The following SP140L variants were observed in gnomAD, a reference collection of about 807,000 sequenced individuals.
SP140L encodes nuclear body protein SP140-like protein.
In SP140L, 64 loss-of-function variants were observed where a neutral mutation model predicts 84.3. The observed-to-expected ratio is 0.76, with a 90% CI of 0.62 to 0.94. SP140L has a LOEUF of 0.94. SP140L is among the 40% of genes least tolerant of loss of function. The probability of loss-of-function intolerance (pLI) is 0.00; values close to 1 mark genes in which losing one functional copy is unlikely to be tolerated. For synonymous variants in SP140L, 242 were observed against 236.9 expected (o/e 1.02, Z -0.20); for missense variants, 628 against 692.5 (o/e 0.91, Z 1.05).
At chr2:230,368,687 C>A (rs373672815) in intron 5 of SP140L, among the ~76,000 whole-genome samples, 1 of 152,048 alleles carries the variant, frequency 6.6e-6, no homozygotes, top group Non-Finnish European at 1.5e-5. Flanking sequence ...TTTCAGACAA[C>A]CTGTCTGAGT....
At position 230,377,217 on chromosome 2, in the gene SP140L, C is replaced by T. The variant is rs143048294; in HGVS notation, c.637+5566C>T. ...TCTTTTAAGAAATGAGGCCTCACTA[C>T]GTTGTCCAGGATGGCCTCAAACTCC... is the stretch of plus-strand genomic sequence containing the variant. On this transcript the variant is annotated intron_variant, in intron 7 of 18. Coordinates refer to ENST00000415673, the MANE Select transcript of SP140L (RefSeq NM_138402.6). 6.1e-3 allele frequency among the ~76,000 whole-genome samples: 868 copies of T among 143,334 alleles called. 8 individuals are homozygous for T. Among genetic ancestry groups the T allele is most frequent in the Non-Finnish European group, 6.9e-3 (451 of 65,426 alleles). 94.0% of individuals were successfully genotyped at this position (143,334 alleles called of 152,430 possible). A position where few individuals can be genotyped will look rare whatever the true frequency, so the allele number is the denominator to read the frequency against.
At chr2:230,386,926 T>A (rs763110990) in intron 9 of SP140L, among the ~76,000 whole-genome samples, 1 of 152,182 alleles carries the variant, frequency 6.6e-6, no homozygotes, top group Non-Finnish European at 1.5e-5. Flanking sequence ...AGCAAGGATA[T>A]GACATCTGGA....
At chr2:230,397,697 A>G (rs1245680923) in intron 14 of SP140L, among the ~76,000 whole-genome samples, 1 of 152,146 alleles carries the variant, frequency 6.6e-6, no homozygotes, top group Non-Finnish European at 1.5e-5. Flanking sequence ...ACTGACACAT[A>G]ATAGTTAGCA....
chr2:230,381,301 T>C (rs2061397724), intron 7 of SP140L, among the ~76,000 whole-genome samples: 1 of 152,190 alleles, frequency 6.6e-6, no homozygotes, highest in South Asian at 2.1e-4. Context: ...TTCTCCACTT[T>C]ATACTGGTCA....
intron 2 of SP140L, among the ~76,000 whole-genome samples, chr2:230,331,188 T>C (rs1240254383): frequency 1.3e-5 from 2 of 152,232 alleles, no homozygotes; most frequent in African/African-American, 2.4e-5. Context: ...GTTCAATCTT[T>C]TGAGAGAGAG....
intron 13 of SP140L, among the ~76,000 whole-genome samples, chr2:230,394,102 C>T (rs1051657682): frequency 3.3e-5 from 5 of 152,220 alleles, no homozygotes; most frequent in Admixed American, 6.5e-5. Context: ...CAGAGGCAAA[C>T]GTATTTTACA....
chr2:230,401,968 G>A (rs1473450593), intron 18 of SP140L, among the ~76,000 whole-genome samples, 161 bp downstream of exon 18: 1 of 152,156 alleles, frequency 6.6e-6, no homozygotes, highest in African/African-American at 2.4e-5. Context: ...GCTCTTCTTA[G>A]CAAAGAAACA....
rs376580811 is a variant in SP140L at position 230,401,687 on chromosome 2, G to A, written c.1524G>A (p.Leu508=). The A allele has an allele frequency of 3.4e-4, 481 of 1,428,010 alleles. 3 individuals carry two copies. In the African/African-American group the frequency reaches 6.4e-3, roughly 19 times the overall value. 88.5% of individuals were successfully genotyped at this position (1,428,010 alleles called of 1,614,324 possible). The change falls in exon 18 of 19, where the codon CTG becomes CTA. Residue 508 remains leucine (L), a synonymous_variant. Coordinates refer to ENST00000415673, the MANE Select transcript of SP140L (RefSeq NM_138402.6). ...YYYIREACQG[L]KEPMWLDKIK... is the part of the protein sequence containing the mutation. ...AGATTAGAGAGGCGTGTCAAGGCCT[G>A]AAGGAGCCCATGTGGTTGGATAAAA...
At chr2:230,355,516 C>A (rs4973315) in intron 2 of SP140L, among the ~76,000 whole-genome samples, 18,066 of 152,110 alleles carry the variant, frequency 0.12, 1,122 homozygotes, top group Middle Eastern at 0.15. Context: ...CAAGAAAAAT[C>A]CAAAAGGCTT....
At chr2:230,345,483 G>T (rs1464754846) in intron 2 of SP140L, among the ~76,000 whole-genome samples, 1 of 151,832 alleles carries the variant, frequency 6.6e-6, no homozygotes, top group Non-Finnish European at 1.5e-5. Context: ...TTTGATTGGA[G>T]AATTTAATCC....
intron 7 of SP140L, among the ~76,000 whole-genome samples, chr2:230,381,739 C>CACACAT (rs2061415627): frequency 6.7e-6 from 1 of 150,030 alleles, no homozygotes; most frequent in Non-Finnish European, 1.5e-5. Flanking sequence ...CACACACACA[C>CACACAT]ACACACACAC....
At position 230,393,437 on chromosome 2, in the gene SP140L, A is replaced by T; in HGVS notation, c.1131A>T (p.Pro377=). The T allele has an allele frequency of 6.3e-7, 1 of 1,582,938 alleles. No individual in the cohort carries two copies. Among genetic ancestry groups the T allele is most frequent in the Middle Eastern group, 1.7e-4 (1 of 5,994 alleles). The change falls in exon 13 of 19, where the codon CCA becomes CCT. Residue 377 remains proline, a synonymous_variant. Transcript: ENST00000415673. ...AGGAAGGATCTCTACCTAATCCTCC[A>T]AGAATATATTACAGGAACAAAAAGG... ...LMEEGSLPNP[P]RIYYRNKKRI... is the part of the protein sequence containing the mutation.
chr2:230,388,838 T>C (rs967808911), intron 10 of SP140L: 3 of 461,258 alleles, frequency 6.5e-6, no homozygotes, highest in East Asian at 8.0e-5. Context: ...AACCAGACCC[T>C]GGGGCCCCAG....
intron 2 of SP140L, among the ~76,000 whole-genome samples, chr2:230,352,616 C>A (rs987999013): frequency 1.3e-5 from 2 of 152,114 alleles, no homozygotes; most frequent in Non-Finnish European, 2.9e-5. Flanking sequence ...GGTAGGGACA[C>A]AGAGCCAAAC....
chr2:230,333,381 A>C (rs937990754), intron 2 of SP140L, among the ~76,000 whole-genome samples: 4 of 152,092 alleles, frequency 2.6e-5, no homozygotes, highest in South Asian at 4.1e-4. Context: ...GAAGGTCTCA[A>C]TCTCTTGACC....
chr2:230,349,865 C>T (rs2060313783), intron 2 of SP140L, among the ~76,000 whole-genome samples: 1 of 152,024 alleles, frequency 6.6e-6, no homozygotes, highest in Admixed American at 6.6e-5. Context: ...AAAAATTAGC[C>T]AGGAGTGGTA....
chr2:230,400,125 A>G lies in SP140L; in HGVS notation c.1198-2A>G. 1 of 1,614,026 alleles carries G rather than the reference A, an allele frequency of 6.2e-7. No homozygotes were observed. The highest frequency in any genetic ancestry group is 8.5e-7 in the Non-Finnish European group (1 of 1,179,968). On this transcript the variant is annotated splice_acceptor_variant, in intron 14 of 18. Transcript: ENST00000415673. LOFTEE classifies it high-confidence loss of function. ...TGACGTGGACACTGTTTTACCTTCT[A>G]GATGAGAAACTTGGATGAGTGTGAG...
intron 5 of SP140L, among the ~76,000 whole-genome samples, chr2:230,368,916 A>G (rs1381843304): frequency 6.6e-6 from 1 of 152,184 alleles, no homozygotes; most frequent in African/African-American, 2.4e-5. Flanking sequence ...CCTTAAAACA[A>G]TCATTGTAAA....
chr2:230,357,649 T>C (rs746934044), intron 2 of SP140L, among the ~76,000 whole-genome samples, 156 bp from the exon 3 acceptor site: 12 of 152,240 alleles, frequency 7.9e-5, no homozygotes, highest in Non-Finnish European at 1.5e-4. Context: ...TTTTTGTTTG[T>C]TGCTTCAATT....
Sources: allele counts gnomAD v4.1 joint callset (sites outside exome capture counted in the v4.1 genomes callset), GRCh38; gene constraint gnomAD v4.1.1; transcripts MANE v1.5; gene names NCBI Gene and HGNC (gene_info 2026-07-23, HGNC 2026-07-21).